NR1H2: variants seen among roughly 807,000 people sequenced by gnomAD.
NR1H2 encodes the protein oxysterols receptor LXR-beta.
A neutral mutation model predicts 51.2 loss-of-function variants in NR1H2; 33 were observed. The ratio of observed to expected loss-of-function variants is 0.64; its 90% CI spans 0.49 to 0.86. The LOEUF is 0.86. NR1H2 is among the 40% of genes least tolerant of loss of function. NR1H2 has a pLI of 0.00. For synonymous variants in NR1H2, 310 were observed against 264.3 expected (o/e 1.17, Z -1.68); for missense variants, 592 against 639.9 (o/e 0.93, Z 0.81).
chr19:50,378,851 T>C, intron 6 of NR1H2, 55 bp downstream of exon 6: 1 of 1,583,136 alleles, frequency 6.3e-7, no homozygotes, highest in Admixed American at 1.7e-5. Flanking sequence ...TAGAGCCAGC[T>C]GGGCCATCAC....
chr19:50,379,681 A>T (rs543628009), intron 7 of NR1H2, 99 bp from the exon 8 acceptor site: 1 of 763,770 alleles, frequency 1.3e-6, no homozygotes, highest in Non-Finnish European at 2.4e-6. Flanking sequence ...GACAAGGGAT[A>T]ATCCTGGTGA....
Position 50,378,619 on chromosome 19 carries a change from C to T in NR1H2, c.570C>T (p.Ser190=). The change falls in exon 6 of 10, where the codon AGC becomes AGT. Residue 190 remains serine (S), a synonymous_variant. Transcript: ENST00000253727. ...QSQSPVGPQG[S]SSSASGPGAS... is the part of the protein sequence containing the mutation. ...AGTCACCTGTGGGGCCGCAGGGCAG[C>T]AGCAGCTCAGCCTCTGGGCCTGGGG... The T allele has an allele frequency of 1.9e-6, 3 of 1,614,134 alleles. No homozygotes were observed. The highest frequency in any genetic ancestry group is 2.5e-6 in the Non-Finnish European group (3 of 1,180,042).
chr19:50,379,465 G>A (rs1460739358), intron 7 of NR1H2, among the ~76,000 whole-genome samples: 2 of 152,210 alleles, frequency 1.3e-5, no homozygotes, highest in South Asian at 2.1e-4. Context: ...CGTGCTGTAT[G>A]CCAGGCTCTA....
rs1303963045 is a variant in NR1H2, at chr19:50,378,438, G to T, written c.471G>T (p.Gln157His). 9 of 1,595,128 alleles carry T rather than the reference G, an allele frequency of 5.6e-6. No homozygotes were observed. The highest frequency in any genetic ancestry group is 7.7e-6 in the Non-Finnish European group (9 of 1,167,516). Residue 157 changes from glutamine (Q) to histidine (H), a missense_variant and splice_region_variant, in exon 5 of 10, where the codon CAG becomes CAT. Physicochemically the swap from Gln to His is conservative, Grantham distance 24. This residue lies in a region of NR1H2 where 316 missense variants were observed against 313.4 expected (regional missense o/e 1.01). Transcript: ENST00000253727. ...GCAAGGAGGCAGGGATGAGGGAGCA[G>T]TGTGAGTGCAGCGGGAGGGGGCGGT... is the stretch of plus-strand genomic sequence containing the variant. The part of the protein sequence containing the change: ...RKCKEAGMRE[Q>H]CVLSEEQIRK...
rs1386807144 is a variant in NR1H2 at position 50,382,101 on chromosome 19, C to A, written c.1163C>A (p.Pro388Gln). 1 of 1,547,694 alleles carries A rather than the reference C, an allele frequency of 6.5e-7. No individual in the cohort carries two copies. The highest frequency in any genetic ancestry group is 1.7e-4 in the Middle Eastern group (1 of 5,972). Residue 388 changes from proline to glutamine, a missense_variant, in exon 9 of 10, where the codon CCG becomes CAG. This residue lies in a region of NR1H2 where 174 missense variants were observed against 174.0 expected (regional missense o/e 1.00). Transcript: ENST00000253727. Reference protein sequence around the residue: ...FSADRPNVQEPGRVEALQQPY... With the variant: ...FSADRPNVQEQGRVEALQQPY... Reference sequence around the variant, plus strand: ...GCCGACCGGCCCAACGTGCAGGAGCCGGGCCGCGTGGAGGCGTTGCAGCAG... The same window carrying A: ...GCCGACCGGCCCAACGTGCAGGAGCAGGGCCGCGTGGAGGCGTTGCAGCAG...
chr19:50,378,600 C>T lies in NR1H2; in HGVS notation c.551C>T (p.Pro184Leu), dbSNP rs764818973. ...QQESQSQSQS[P>L]VGPQGSSSSA... ...GAGTCACAGTCACAGTCGCAGTCAC[C>T]TGTGGGGCCGCAGGGCAGCAGCAGC... The change falls in exon 6 of 10, where the codon CCT (proline) becomes CTT (leucine). Residue 184 changes from proline to leucine, a missense_variant. This residue lies in a region of NR1H2 where 316 missense variants were observed against 313.4 expected (regional missense o/e 1.01). Coordinates refer to ENST00000253727, the MANE Select transcript of NR1H2 (RefSeq NM_007121.7). 3.7e-6 allele frequency: 6 copies of T among 1,613,934 alleles called. No homozygotes were observed. The highest frequency in any genetic ancestry group is 2.2e-5 in the East Asian group (1 of 44,896).
Position 50,377,601 on chromosome 19 carries a change from C to G in NR1H2, c.-5C>G. 1.9e-6 allele frequency: 3 copies of G among 1,613,744 alleles called. No homozygotes were observed. The highest frequency in any genetic ancestry group is 2.5e-6 in the Non-Finnish European group (3 of 1,179,774). ...GTATTCTACAGGCTGCTCCGTGACC[C>G]CACCATGTCCTCTCCTACCACGAGT... is the stretch of plus-strand genomic sequence containing the variant. On this transcript the variant is annotated 5_prime_UTR_variant, in exon 3 of 10. Transcript: ENST00000253727.
chr19:50,382,254 C>T, intron 9 of NR1H2, 80 bp downstream of exon 9: 1 of 1,383,236 alleles, frequency 7.2e-7, no homozygotes, highest in Non-Finnish European at 9.6e-7. Flanking sequence ...GTTCTGCCAG[C>T]CACACTGCCC....
intron 2 of NR1H2, 178 bp from the exon 3 acceptor site, chr19:50,377,397 TGGAACAGAAGGG>T: frequency 2.0e-6 from 1 of 508,636 alleles, no homozygotes; most frequent in South Asian, 3.0e-5. Context: ...AAGGCTGGCG[TGGAACAGAAGGG>T]GGCAGGTCTT....
At chr19:50,380,370 A>G (rs2037746146) in intron 8 of NR1H2, among the ~76,000 whole-genome samples, 1 of 152,022 alleles carries the variant, frequency 6.6e-6, no homozygotes, top group African/African-American at 2.4e-5. Flanking sequence ...TGTCTAGGGG[A>G]GCACTGCTTC....
intron 2 of NR1H2, 31 bp from the exon 3 acceptor site, chr19:50,377,556 C>T (rs761100580): frequency 1.3e-6 from 2 of 1,583,872 alleles, no homozygotes; most frequent in African/African-American, 1.4e-5. Context: ...TTCTTAGCCC[C>T]ACAAGGCTCT....
chr19:50,378,592 G>C lies in NR1H2; in HGVS notation c.543G>C (p.Ser181=). 1 of 1,613,978 alleles carries C rather than the reference G, an allele frequency of 6.2e-7. No individual in the cohort carries two copies. ...RKQQQESQSQ[S]QSPVGPQGSS... is the part of the protein sequence containing the mutation. ...AGCAGCAGGAGTCACAGTCACAGTC[G>C]CAGTCACCTGTGGGGCCGCAGGGCA... The change falls in exon 6 of 10, where the codon TCG becomes TCC. Residue 181 remains serine, a synonymous_variant. Coordinates refer to ENST00000253727, the MANE Select transcript of NR1H2 (RefSeq NM_007121.7).
In NR1H2 at chr19:50,377,659, C is replaced by T. The variant is rs753440726; in HGVS notation, c.43+11C>T. 20 of 1,613,070 alleles carry T rather than the reference C, an allele frequency of 1.2e-5. No individual in the cohort carries two copies. The South Asian group carries it at 2.1e-4, about 17-fold the overall frequency. ...ATACCCCCCTGCCTGGTGAGTGACT[C>T]TCTTCCCCACCCAGCCCTTATCACA... On this transcript the variant is annotated intron_variant, in intron 3 of 9. Transcript: ENST00000253727.
At chr19:50,382,240 C>T (rs370976180) in intron 9 of NR1H2, 66 bp downstream of exon 9, 41 of 1,432,302 alleles carry the variant, frequency 2.9e-5, no homozygotes, top group Non-Finnish European at 3.4e-5. Context: ...TCCGTTCAGG[C>T]TGGGTTCTGC....
chr19:50,382,133 G>C lies in NR1H2; in HGVS notation c.1195G>C (p.Val399Leu). The C allele has an allele frequency of 6.5e-7, 1 of 1,542,728 alleles. No individual in the cohort carries two copies. The highest frequency in any genetic ancestry group is 8.7e-7 in the Non-Finnish European group (1 of 1,146,654). Residue 399 changes from valine (V) to leucine (L), a missense_variant, in exon 9 of 10, where the codon GTG (valine) becomes CTG (leucine). Physicochemically the swap from Val to Leu is conservative, Grantham distance 32 (BLOSUM62 1). Coordinates refer to ENST00000253727, the MANE Select transcript of NR1H2 (RefSeq NM_007121.7). ...GRVEALQQPYVEALLSYTRIK... is the reference protein window; with the variant it reads ...GRVEALQQPYLEALLSYTRIK... The stretch of plus-strand genomic sequence containing the variant: ...CGTGGAGGCGTTGCAGCAGCCCTAC[G>C]TGGAGGCGCTGCTGTCCTACACGCG...
At chr19:50,378,009 T>C (rs753462418) in intron 4 of NR1H2, 139 bp downstream of exon 4, 259 of 1,425,074 alleles carry the variant, frequency 1.8e-4, no homozygotes, top group Non-Finnish European at 2.2e-4. Context: ...CTTTCTAAAT[T>C]GCAATTTCCC....
intron 8 of NR1H2, among the ~76,000 whole-genome samples, chr19:50,380,739 T>C (rs1221626551): frequency 1.8e-4 from 27 of 152,110 alleles, no homozygotes; most frequent in Admixed American, 1.4e-3. Flanking sequence ...TTGGAGGAAC[T>C]ACAGGGAGGC....
Position 50,378,681 on chromosome 19 carries a change from C to A in NR1H2, c.632C>A (p.Ser211Tyr). 1.2e-6 allele frequency: 2 copies of A among 1,613,800 alleles called. No individual in the cohort carries two copies. The highest frequency in any genetic ancestry group is 1.7e-6 in the Non-Finnish European group (2 of 1,180,014). ...GGATCTGAGGCAGGCAGCCAGGGCT[C>A]CGGGGAAGGCGAGGGTGTCCAGCTA... is the stretch of plus-strand genomic sequence containing the variant. ...PGGSEAGSQG[S>Y]GEGEGVQLTA... Residue 211 changes from serine (S) to tyrosine (Y), a missense_variant, in exon 6 of 10, where the codon TCC (serine) becomes TAC (tyrosine). Coordinates refer to ENST00000253727, the MANE Select transcript of NR1H2 (RefSeq NM_007121.7).
intron 8 of NR1H2, among the ~76,000 whole-genome samples, chr19:50,380,507 G>A (rs908824356): frequency 1.3e-5 from 2 of 152,182 alleles, no homozygotes; most frequent in Non-Finnish European, 2.9e-5. Flanking sequence ...CCAGGGCCTC[G>A]CTCCCTCATT....
Sources: allele counts gnomAD v4.1 joint callset (sites outside exome capture counted in the v4.1 genomes callset), GRCh38; gene constraint gnomAD v4.1.1; regional missense constraint gnomAD v4.1.1; transcripts MANE v1.5; gene names NCBI Gene and HGNC (gene_info 2026-07-23, HGNC 2026-07-21).